Variants in DNAAF10 observed in about 807,000 individuals in gnomAD.
DNAAF10 encodes WD repeat domain 92.
DNAAF10 carries 28 observed loss-of-function variants against 43.7 expected under a neutral mutation model. That is an observed-to-expected ratio of 0.64 (90% CI 0.48 to 0.88). The LOEUF is 0.88. DNAAF10 is among the 40% of genes least tolerant of loss of function. The pLI is 0.00. For missense variants in DNAAF10, 403 were observed against 439.1 expected (o/e 0.92, Z 0.73); for synonymous variants, 156 against 157.3 (o/e 0.99, Z 0.06).
chr2:68,156,181 G>GA (rs1036077504), intron 1 of DNAAF10, among the ~76,000 whole-genome samples: 1 of 148,784 alleles, frequency 6.7e-6, no homozygotes, highest in Non-Finnish European at 1.5e-5. Context: ...AGGAAAGGTA[G>GA]AAAAAAATAA....
chr2:68,146,532 A>G (rs1673319785), intron 2 of DNAAF10, among the ~76,000 whole-genome samples: 1 of 152,216 alleles, frequency 6.6e-6, no homozygotes. Context: ...TTGTGTTGAA[A>G]TATATTTATT....
At chr2:68,138,890 A>G (rs780844315) in intron 4 of DNAAF10, 33 bp from the exon 5 acceptor site, 1 of 1,462,476 alleles carries the variant, frequency 6.8e-7, no homozygotes, top group South Asian at 1.2e-5. Context: ...TCACATCCTT[A>G]TAAATGCATC....
In DNAAF10 at chr2:68,147,544, T is replaced by C. The variant is rs1044939343; in HGVS notation, c.207A>G (p.Lys69=). The C allele has an allele frequency of 5.0e-6, 8 of 1,611,432 alleles. No individual in the cohort carries two copies. The Admixed American group carries it at 1.0e-4, about 20-fold the overall frequency. The change falls in exon 2 of 8, where the codon AAA becomes AAG. Residue 69 remains lysine, a synonymous_variant. Coordinates refer to ENST00000295121, the MANE Select transcript of DNAAF10 (RefSeq NM_138458.4). ...LREIEKAKPI[K]CGTFGATSLQ... is the part of the protein sequence containing the mutation. Reference sequence around the variant, plus strand: ...AAGATGTTGCACCAAATGTTCCACATTTAATAGGTTTGGCCTTTTCAATCT... The same window carrying C: ...AAGATGTTGCACCAAATGTTCCACACTTAATAGGTTTGGCCTTTTCAATCT...
intron 1 of DNAAF10, among the ~76,000 whole-genome samples, chr2:68,153,324 A>G (rs1179144054): frequency 1.4e-5 from 2 of 147,090 alleles, no homozygotes; most frequent in South Asian, 2.2e-4. Flanking sequence ...GGGCTTTGTG[A>G]GCTCCAAGTC....
At chr2:68,157,109 C>G in intron 1 of DNAAF10, 152 bp downstream of exon 1, 1 of 1,064,420 alleles carries the variant, frequency 9.4e-7, no homozygotes, top group Non-Finnish European at 1.3e-6. Flanking sequence ...AAATAGGAAA[C>G]ATTCCTCAGT....
chr2:68,155,088 A>T (rs919953211), intron 1 of DNAAF10, among the ~76,000 whole-genome samples: 2 of 152,046 alleles, frequency 1.3e-5, no homozygotes, highest in Admixed American at 1.3e-4. Context: ...TATTTTAAAA[A>T]GTCACAGGTC....
At chr2:68,157,053 C>A (rs958581471) in intron 1 of DNAAF10, 101 of 702,958 alleles carry the variant, frequency 1.4e-4, no homozygotes, top group Non-Finnish European at 2.0e-4. Context: ...GGTGGCAGGA[C>A]GGTTGGGCGC....
chr2:68,153,204 G>A (rs1673498203), intron 1 of DNAAF10, among the ~76,000 whole-genome samples: 1 of 152,082 alleles, frequency 6.6e-6, no homozygotes, highest in African/African-American at 2.4e-5. Flanking sequence ...TGAACACGGA[G>A]GCCCTGCCCT....
At chr2:68,156,788 T>A (rs184885421) in intron 1 of DNAAF10, 1 of 169,034 alleles carries the variant, frequency 5.9e-6, no homozygotes, top group Admixed American at 5.5e-5. Context: ...CAAATCTGTT[T>A]TCACTCTCAT....
At chr2:68,146,881 C>G (rs1483511878) in intron 2 of DNAAF10, among the ~76,000 whole-genome samples, 1 of 152,026 alleles carries the variant, frequency 6.6e-6, no homozygotes, top group African/African-American at 2.4e-5. Flanking sequence ...AATAGATTTT[C>G]CTGCAAAGTA....
At chr2:68,155,129 G>A (rs948969622) in intron 1 of DNAAF10, among the ~76,000 whole-genome samples, 10 of 150,102 alleles carry the variant, frequency 6.7e-5, no homozygotes, top group Non-Finnish European at 1.0e-4. Context: ...GCACTCCATC[G>A]TAGGCAAGAG....
intron 7 of DNAAF10, among the ~76,000 whole-genome samples, chr2:68,133,070 G>A (rs1020364751): frequency 4.6e-5 from 7 of 152,176 alleles, no homozygotes; most frequent in African/African-American, 7.2e-5. Context: ...AGAGTCTAAC[G>A]TGGGGAGGAG....
chr2:68,152,087 C>T (rs749252720), intron 1 of DNAAF10, among the ~76,000 whole-genome samples: 9 of 152,166 alleles, frequency 5.9e-5, no homozygotes, highest in Non-Finnish European at 1.3e-4. Flanking sequence ...AGAAATGTTC[C>T]GATCTTGATT....
chr2:68,150,495 G>A (rs1422468615), intron 1 of DNAAF10, among the ~76,000 whole-genome samples: 1 of 152,170 alleles, frequency 6.6e-6, no homozygotes, highest in Admixed American at 6.5e-5. Flanking sequence ...CACTTTGGGA[G>A]GCTGAGGCAG....
At chr2:68,132,245 A>G (rs1672943739) in intron 7 of DNAAF10, among the ~76,000 whole-genome samples, 1 of 152,264 alleles carries the variant, frequency 6.6e-6, no homozygotes. Flanking sequence ...TTATGACAAC[A>G]TCTTTATTTC....
At position 68,138,818 on chromosome 2, in the gene DNAAF10, C is replaced by A. The variant is rs1673107187; in HGVS notation, c.557G>T (p.Gly186Val). The A allele has an allele frequency of 6.2e-7, 1 of 1,613,940 alleles. No individual in the cohort carries two copies. The highest frequency in any genetic ancestry group is 8.5e-7 in the Non-Finnish European group (1 of 1,179,990). Reference sequence around the variant, plus strand: ...TAGTTTGATATCCCCATTGTCATAGCCAGCACAAACAACACGTTCTTCTTG... The same window carrying A: ...TAGTTTGATATCCCCATTGTCATAGACAGCACAAACAACACGTTCTTCTTG... ...YNQEERVVCA[G>V]YDNGDIKLFD... is the part of the protein sequence containing the mutation. Residue 186 changes from glycine to valine, a missense_variant, in exon 5 of 8, where the codon GGC becomes GTC. Physicochemically the swap from Gly to Val is moderately radical, Grantham distance 109. Coordinates refer to ENST00000295121, the MANE Select transcript of DNAAF10 (RefSeq NM_138458.4).
chr2:68,136,039 C>T, intron 6 of DNAAF10, among the ~76,000 whole-genome samples: 1 of 150,198 alleles, frequency 6.7e-6, no homozygotes, highest in East Asian at 2.0e-4. Flanking sequence ...CACAGCAAGA[C>T]TCTGACTCTA....
rs1672907849 is a variant in DNAAF10 at position 68,130,537 on chromosome 2, C to G, written c.*701G>C. ...TAATTCAGTTTTTCCAAGGCAAACT[C>G]TTTTAAACCAAATGAAATGATTCCC... is the stretch of plus-strand genomic sequence containing the variant. On this transcript the variant is annotated 3_prime_UTR_variant, in exon 8 of 8. Transcript: ENST00000295121. 6.6e-6 allele frequency: 1 copy of G among 152,558 alleles called. No homozygotes were observed. The highest frequency in any genetic ancestry group is 6.5e-5 in the Admixed American group (1 of 15,268). The allele number at this position is 152,558 out of a possible 1,614,324, so 9.5% of individuals were successfully genotyped here. A position where few individuals can be genotyped will look rare whatever the true frequency, so the allele number is the denominator to read the frequency against.
intron 6 of DNAAF10, among the ~76,000 whole-genome samples, chr2:68,135,062 A>G (rs557411293): frequency 6.6e-6 from 1 of 152,336 alleles, no homozygotes; most frequent in African/African-American, 2.4e-5. Context: ...AATCCATTTA[A>G]GTTTATAGTA....
Sources: allele counts gnomAD v4.1 joint callset (sites outside exome capture counted in the v4.1 genomes callset), GRCh38; gene constraint gnomAD v4.1.1; transcripts MANE v1.5; gene names NCBI Gene and HGNC (gene_info 2026-07-23, HGNC 2026-07-21).